MGAT4C: variants seen among roughly 807,000 people sequenced by gnomAD.
The protein encoded by MGAT4C is alpha-1,3-mannosyl-glycoprotein 4-beta-N-acetylglucosaminyltransferase C.
MGAT4C carries 19 observed loss-of-function variants against 40.1 expected under a neutral mutation model. The observed-to-expected ratio is 0.47, with a 90% CI of 0.33 to 0.70. The LOEUF (loss-of-function observed/expected upper bound fraction) is 0.70. Among genes scored for constraint, MGAT4C ranks in the 30% least tolerant of loss-of-function variants. MGAT4C has a pLI of 0.02. For missense variants in MGAT4C, 491 were observed against 563.2 expected, an observed-to-expected ratio of 0.87 and a Z score of 1.30; for synonymous variants, 181 against 187.1, an observed-to-expected ratio of 0.97 and a Z score of 0.27.
At chr12:86,029,890 A>G (rs76266693) in intron 2 of MGAT4C, among the ~76,000 whole-genome samples, 3,673 of 151,940 alleles carry the variant, frequency 0.024, 158 homozygotes, top group African/African-American at 0.084. Flanking sequence ...TTTATTACAT[A>G]TAACCATATT....
At chr12:85,992,280 G>A (rs969093889) in intron 2 of MGAT4C, among the ~76,000 whole-genome samples, 2 of 152,298 alleles carry the variant, frequency 1.3e-5, no homozygotes, top group South Asian at 2.1e-4. Context: ...ACTGGGTGTT[G>A]AGAATGTTGG....
intron 1 of MGAT4C, among the ~76,000 whole-genome samples, chr12:86,251,748 C>G (rs192435350): frequency 2.6e-4 from 39 of 151,826 alleles, no homozygotes; most frequent in African/African-American, 9.4e-4. Flanking sequence ...TAGGAGATAC[C>G]CTTGAGAGTT....
intron 4 of MGAT4C, among the ~76,000 whole-genome samples, chr12:86,262,734 A>C (rs1232797043): frequency 2.6e-5 from 4 of 152,018 alleles, no homozygotes; most frequent in African/African-American, 9.7e-5. Flanking sequence ...TTTATTTTTA[A>C]TTTTCTAATT....
rs1447470475 is a variant in MGAT4C at position 86,673,246 on chromosome 12, C to A, written c.-229+53963G>T. On this transcript the variant is annotated intron_variant, in intron 2 of 7. Coordinates refer to the MGAT4C transcript ENST00000548651. ...TATAATTTTGGGCAAGTTACCTAAA[C>A]CCTCAGTTTATTCATCTTTAAAATG... is the stretch of plus-strand genomic sequence containing the variant. 2.0e-5 allele frequency among the ~76,000 whole-genome samples: 3 copies of A among 152,248 alleles called. No individual in the cohort carries two copies. In the East Asian group the frequency reaches 5.8e-4, roughly 29 times the overall value.
chr12:86,019,178 G>C (rs1028076460), intron 2 of MGAT4C, among the ~76,000 whole-genome samples: 4 of 152,116 alleles, frequency 2.6e-5, no homozygotes, highest in Admixed American at 6.6e-5. Flanking sequence ...GTGGGGAAGA[G>C]AAGAGCGACA....
At chr12:86,096,263 T>C (rs1295165081) in intron 1 of MGAT4C, among the ~76,000 whole-genome samples, 5 of 151,768 alleles carry the variant, frequency 3.3e-5, no homozygotes, top group Admixed American at 6.6e-5. Context: ...ATAGGTCACA[T>C]ACATGGCATG....
chr12:86,231,339 A>G (rs1382068533), intron 1 of MGAT4C, among the ~76,000 whole-genome samples: 1 of 152,178 alleles, frequency 6.6e-6, no homozygotes, highest in African/African-American at 2.4e-5. Context: ...TGAATTCTCA[A>G]TATACTTGGG....
intron 3 of MGAT4C, among the ~76,000 whole-genome samples, chr12:86,345,108 C>T (rs1356489279): frequency 6.6e-6 from 1 of 151,618 alleles, no homozygotes; most frequent in Non-Finnish European, 1.5e-5. Context: ...CAAATGATAC[C>T]CAACATAATG....
At chr12:86,408,326 G>A (rs1474483600) in intron 3 of MGAT4C, among the ~76,000 whole-genome samples, 4 of 151,574 alleles carry the variant, frequency 2.6e-5, no homozygotes, top group African/African-American at 9.7e-5. Context: ...GATGAATTGA[G>A]TGTTCTTAAG....
chr12:86,248,204 T>A (rs1363230692), intron 1 of MGAT4C, among the ~76,000 whole-genome samples: 1 of 132,866 alleles, frequency 7.5e-6, no homozygotes, highest in Non-Finnish European at 1.7e-5. Flanking sequence ...TCTTCCTTCC[T>A]TCCTTCCTTC....
chr12:86,768,392 T>C (rs1296675088), intron 1 of MGAT4C, among the ~76,000 whole-genome samples: 1 of 152,082 alleles, frequency 6.6e-6, no homozygotes, highest in Non-Finnish European at 1.5e-5. Flanking sequence ...GGAAGAACAT[T>C]CCATGCTCAT....
intron 3 of MGAT4C, among the ~76,000 whole-genome samples, chr12:86,363,087 T>A (rs1361463529): frequency 1.3e-5 from 2 of 152,038 alleles, no homozygotes; most frequent in African/African-American, 4.8e-5. Flanking sequence ...AATAACCAAA[T>A]TCAAAACTAT....
At chr12:86,133,464 T>C (rs1002243759) in intron 1 of MGAT4C, among the ~76,000 whole-genome samples, 1 of 152,232 alleles carries the variant, frequency 6.6e-6, no homozygotes, top group South Asian at 2.1e-4. Context: ...ATCAGTTTGA[T>C]AATTTTCTCT....
At chr12:86,429,749 G>C (rs535381890) in intron 3 of MGAT4C, among the ~76,000 whole-genome samples, 1 of 151,992 alleles carries the variant, frequency 6.6e-6, no homozygotes, top group African/African-American at 2.4e-5. Context: ...TATATGACTT[G>C]TTGTGCTTCT....
intron 2 of MGAT4C, among the ~76,000 whole-genome samples, chr12:86,628,596 A>G (rs1440991090): frequency 6.6e-6 from 1 of 152,198 alleles, no homozygotes; most frequent in Non-Finnish European, 1.5e-5. Context: ...AATATTCAAC[A>G]TTCCTAAAGA....
intron 2 of MGAT4C, among the ~76,000 whole-genome samples, chr12:86,643,087 A>G (rs918094323): frequency 6.6e-6 from 1 of 151,780 alleles, no homozygotes; most frequent in African/African-American, 2.4e-5. Flanking sequence ...TTATAAAGAA[A>G]ATAAAATCAT....
intron 2 of MGAT4C, among the ~76,000 whole-genome samples, chr12:86,501,937 T>C (rs961405468): frequency 2.0e-5 from 3 of 152,132 alleles, no homozygotes; most frequent in African/African-American, 7.2e-5. Context: ...ATGGCTGAAC[T>C]AATTTACATT....
At chr12:86,168,026 C>G (rs569166951) in intron 1 of MGAT4C, among the ~76,000 whole-genome samples, 1 of 152,172 alleles carries the variant, frequency 6.6e-6, no homozygotes, top group South Asian at 2.1e-4. Flanking sequence ...AGAAGGTAGA[C>G]CAACTAATGC....
Position 85,975,078 on chromosome 12 carries a change from A to G in MGAT4C, c.*4211T>C, listed in dbSNP as rs564521703. ...TCAAGATTTCTTAAAACAGAAATGA[A>G]TATTATTATTTGTGATGAGAGCACT... On this transcript the variant is annotated 3_prime_UTR_variant, in exon 5 of 5. Transcript: ENST00000611864. 1 of 151,054 alleles carries G rather than the reference A, an allele frequency of 6.6e-6. No homozygotes were observed. Among genetic ancestry groups the G allele is most frequent in the African/African-American group, 2.4e-5 (1 of 41,448 alleles). 9.4% of individuals were successfully genotyped at this position (151,054 alleles called of 1,614,324 possible). A position where few individuals can be genotyped will look rare whatever the true frequency, so the allele number is the denominator to read the frequency against.
Sources: gnomAD v4.1 joint callset for allele counts (sites outside exome capture counted in the v4.1 genomes callset) on GRCh38, gnomAD v4.1.1 for gene constraint, MANE v1.5 for transcripts, NCBI Gene and HGNC (gene_info 2026-07-23, HGNC 2026-07-21) for gene names.